The following NEFM variants were observed in gnomAD, a reference collection of about 807,000 sequenced individuals.
NEFM encodes neurofilament medium chain.
In NEFM, 16 loss-of-function variants were observed where a neutral mutation model predicts 48.1. That is an observed-to-expected ratio of 0.33 (90% confidence interval 0.23 to 0.51). The LOEUF is 0.51. NEFM is among the 20% of genes least tolerant of loss of function. NEFM has a pLI of 0.98. For missense variants in NEFM, 1,107 were observed against 1,136.0 expected, an observed-to-expected ratio of 0.97 and a Z score of 0.37; for synonymous variants, 465 against 456.9, an observed-to-expected ratio of 1.02 and a Z score of -0.23.
chr8:24,915,675 ACCAG>A lies in NEFM; in HGVS notation c.1152_1155del (p.Tyr384Ter). ...GAAATGGCTCGTCATTTGCGCGAAT[ACCAG>A]GACCTCCTCAACGTCAAGATGGCTC... On this transcript the variant is annotated frameshift_variant, in exon 2 of 3. Coordinates refer to ENST00000221166, the MANE Select transcript of NEFM (RefSeq NM_005382.2). LOFTEE classifies it high-confidence loss of function. 6.2e-7 allele frequency: 1 copy of A among 1,614,068 alleles called. No homozygotes were observed. Among genetic ancestry groups the A allele is most frequent in the African/African-American group, 1.3e-5 (1 of 75,016 alleles).
Position 24,914,048 on chromosome 8 carries a change from C to G in NEFM, c.255C>G (p.Asn85Lys), listed in dbSNP as rs767028040. 4 of 1,612,742 alleles carry G rather than the reference C, an allele frequency of 2.5e-6. No individual in the cohort carries two copies. The highest frequency in any genetic ancestry group is 1.3e-5 in the African/African-American group (1 of 75,076). Residue 85 changes from asparagine to lysine, a missense_variant, in exon 1 of 3, where the codon AAC becomes AAG. By Grantham distance (94) the Asn-to-Lys change is moderately conservative. Around this residue, in one of 3 missense-constraint regions of NEFM, gnomAD observed 186 missense variants for 200.6 expected, o/e 0.93. Coordinates refer to ENST00000221166, the MANE Select transcript of NEFM (RefSeq NM_005382.2). ...LDFSQSSSLL[N>K]GGSGPGGDYK... ...TCAGCCAGTCCTCGTCCCTGCTCAA[C>G]GGCGGCTCCGGACCCGGCGGCGACT...
intron 1 of NEFM, chr8:24,915,225 T>C (rs1486006002): frequency 7.8e-7 from 1 of 1,279,678 alleles, no homozygotes; most frequent in Non-Finnish European, 9.9e-7. Context: ...GTGTATTCTC[T>C]ACTTTTCCGG....
In NEFM at chr8:24,915,740, T is replaced by C; in HGVS notation, c.1205+11T>C. On this transcript the variant is annotated intron_variant, in intron 2 of 2. Coordinates refer to ENST00000221166, the MANE Select transcript of NEFM (RefSeq NM_005382.2). ...AATCGCTGCGTACAGGTACGATGCT[T>C]ACTACGTGCGTGGCCGGAACACTAA... 6.2e-7 allele frequency: 1 copy of C among 1,614,028 alleles called. No homozygotes were observed. Among genetic ancestry groups the C allele is most frequent in the Non-Finnish European group, 8.5e-7 (1 of 1,179,986 alleles).
intron 1 of NEFM, 170 bp downstream of exon 1, chr8:24,915,043 A>G: frequency 7.2e-6 from 10 of 1,380,846 alleles, no homozygotes; most frequent in Non-Finnish European, 7.4e-6. Context: ...CGCCCATCTC[A>G]TCCTCCACAC....
At position 24,917,148 on chromosome 8, in the gene NEFM, A is replaced by G; in HGVS notation, c.1293A>G (p.Thr431=). ...GPLYTHRPPI[T]ISSKIQKPKV... is the part of the protein sequence containing the mutation. ...TGTATACACACCGACCCCCAATCAC[A>G]ATATCCAGTAAGATTCAGAAACCCA... is the stretch of plus-strand genomic sequence containing the variant. Residue 431 remains threonine (T), a synonymous_variant, in exon 3 of 3, where the codon ACA becomes ACG. Coordinates refer to ENST00000221166, the MANE Select transcript of NEFM (RefSeq NM_005382.2). 1 of 1,614,156 alleles carries G rather than the reference A, an allele frequency of 6.2e-7. No individual in the cohort carries two copies.
chr8:24,914,355 C>G lies in NEFM; in HGVS notation c.562C>G (p.Arg188Gly), dbSNP rs749729390. The G allele has an allele frequency of 6.2e-7, 1 of 1,613,510 alleles. No individual in the cohort carries two copies. The highest frequency in any genetic ancestry group is 2.2e-5 in the East Asian group (1 of 44,870). Reference sequence around the variant, plus strand: ...GGAAGACATCCACCGGCTCAAGGAGCGCTTTGAGGAGGAGGCGCGGTTGCG... The same window carrying G: ...GGAAGACATCCACCGGCTCAAGGAGGGCTTTGAGGAGGAGGCGCGGTTGCG... ...LEEDIHRLKE[R>G]FEEEARLRDD... The change falls in exon 1 of 3, where the codon CGC becomes GGC. Residue 188 changes from arginine (R) to glycine (G), a missense_variant. By Grantham distance (125) the Arg-to-Gly change is moderately radical. Coordinates refer to ENST00000221166, the MANE Select transcript of NEFM (RefSeq NM_005382.2).
chr8:24,918,813 A>T lies in NEFM; in HGVS notation c.*207A>T, dbSNP rs1802623823. 1.7e-6 allele frequency: 1 copy of T among 578,828 alleles called. No individual in the cohort carries two copies. Among genetic ancestry groups the T allele is most frequent in the Non-Finnish European group, 3.1e-6 (1 of 325,880 alleles). The allele number at this position is 578,828 out of a possible 1,614,324, so 35.9% of individuals were successfully genotyped here. A position where few individuals can be genotyped will look rare whatever the true frequency, so the allele number is the denominator to read the frequency against. ...TGCATGATATTGTATGTACCTGGGAAATTTGCCGATTTCCTAAGCTGTTGG... is the reference window on the plus strand; with the variant it reads ...TGCATGATATTGTATGTACCTGGGATATTTGCCGATTTCCTAAGCTGTTGG... On this transcript the variant is annotated 3_prime_UTR_variant, in exon 3 of 3. Transcript: ENST00000221166.
Position 24,914,393 on chromosome 8 carries a change from G to A in NEFM, c.600G>A (p.Glu200=), listed in dbSNP as rs1802540271. The change falls in exon 1 of 3, where the codon GAG becomes GAA. Residue 200 remains glutamate (E), a synonymous_variant. Coordinates refer to ENST00000221166, the MANE Select transcript of NEFM (RefSeq NM_005382.2). ...AGGCGCGGTTGCGCGACGACACTGA[G>A]GCGGCCATCCGCGCGCTGCGCAAAG... The part of the protein sequence containing the change: ...EEEARLRDDT[E]AAIRALRKDI... 1.2e-6 allele frequency: 2 copies of A among 1,613,638 alleles called. No homozygotes were observed. The highest frequency in any genetic ancestry group is 4.5e-5 in the East Asian group (2 of 44,868).
chr8:24,916,986 A>G (rs983494248), intron 2 of NEFM, 75 bp from the exon 3 acceptor site: 31 of 1,184,580 alleles, frequency 2.6e-5, no homozygotes, highest in African/African-American at 4.5e-5. Context: ...CTACCACAAT[A>G]CCCAGAATGT....
Position 24,914,654 on chromosome 8 carries a change from G to C in NEFM, c.861G>C (p.Gln287His). 2.5e-6 allele frequency: 4 copies of C among 1,614,222 alleles called. No individual in the cohort carries two copies. In the East Asian group the frequency reaches 6.7e-5, roughly 27 times the overall value. ...LESHSDQNMH[Q>H]AEEWFKCRYA... is the part of the protein sequence containing the mutation. ...GCCACTCAGACCAGAATATGCACCA[G>C]GCCGAAGAGTGGTTCAAATGCCGCT... Residue 287 changes from glutamine to histidine, a missense_variant, in exon 1 of 3, where the codon CAG becomes CAC. By Grantham distance (24) the Gln-to-His change is conservative. Around this residue, in one of 3 missense-constraint regions of NEFM, gnomAD observed 917 missense variants for 916.4 expected, o/e 1.00. Coordinates refer to ENST00000221166, the MANE Select transcript of NEFM (RefSeq NM_005382.2).
chr8:24,918,254 T>C lies in NEFM; in HGVS notation c.2399T>C (p.Ile800Thr), dbSNP rs1253854964. 1 of 1,582,384 alleles carries C rather than the reference T, an allele frequency of 6.3e-7. No homozygotes were observed. Among genetic ancestry groups the C allele is most frequent in the Non-Finnish European group, 8.6e-7 (1 of 1,164,334 alleles). Reference sequence around the variant, plus strand: ...GCCAAGGGATCCAGGAAGGAAGACATAGCTGTCAATGGGGAGGTAGAAGGA... The same window carrying C: ...GCCAAGGGATCCAGGAAGGAAGACACAGCTGTCAATGGGGAGGTAGAAGGA... ...KGAKGSRKED[I>T]AVNGEVEGKE... Residue 800 changes from isoleucine (I) to threonine (T), a missense_variant, in exon 3 of 3, where the codon ATA (isoleucine) becomes ACA (threonine). Ile to Thr is a moderately conservative substitution (Grantham distance 89). Transcript: ENST00000221166.
At position 24,918,095 on chromosome 8, in the gene NEFM, T is replaced by A; in HGVS notation, c.2240T>A (p.Val747Asp). The A allele has an allele frequency of 1.7e-5, 26 of 1,551,642 alleles. No individual in the cohort carries two copies. The highest frequency in any genetic ancestry group is 2.2e-5 in the Non-Finnish European group (25 of 1,147,088). ...PVKEEAVAEV[V>D]TITKSVKVHL... ...AAGGAGGAAGCTGTGGCAGAGGTGGTCACCATCACCAAATCGGTAAAGGTG... is the reference window on the plus strand; with the variant it reads ...AAGGAGGAAGCTGTGGCAGAGGTGGACACCATCACCAAATCGGTAAAGGTG... The change falls in exon 3 of 3, where the codon GTC (valine) becomes GAC (aspartate). Residue 747 changes from valine to aspartate, a missense_variant. Physicochemically the swap from Val to Asp is radical, Grantham distance 152. This residue lies in a region of NEFM where 917 missense variants were observed against 916.4 expected (regional missense o/e 1.00). Transcript: ENST00000221166.
In NEFM at chr8:24,914,414, C is replaced by T. The variant is rs767793103; in HGVS notation, c.621C>T (p.Arg207=). Residue 207 remains arginine (R), a synonymous_variant, in exon 1 of 3, where the codon CGC becomes CGT. Coordinates refer to ENST00000221166, the MANE Select transcript of NEFM (RefSeq NM_005382.2). ...CTGAGGCGGCCATCCGCGCGCTGCG[C>T]AAAGACATCGAGGAGGCGTCGCTGG... ...DDTEAAIRAL[R]KDIEEASLVK... 6.2e-7 allele frequency: 1 copy of T among 1,613,452 alleles called. No individual in the cohort carries two copies. The highest frequency in any genetic ancestry group is 1.3e-5 in the African/African-American group (1 of 74,922).
In NEFM at chr8:24,917,561, G is replaced by A. The variant is rs377235569; in HGVS notation, c.1706G>A (p.Gly569Glu). The change falls in exon 3 of 3, where the codon GGA (glycine) becomes GAA (glutamate). Residue 569 changes from glycine to glutamate, a missense_variant. Gly to Glu is a moderately conservative substitution (Grantham distance 98). Around this residue, in one of 3 missense-constraint regions of NEFM, gnomAD observed 917 missense variants for 916.4 expected, o/e 1.00. Coordinates refer to ENST00000221166, the MANE Select transcript of NEFM (RefSeq NM_005382.2). ...SEKEEGEQEE[G>E]ETEAEAEGEE... ...AAAGAGGAAGGTGAGCAGGAAGAAGGAGAAACAGAAGCTGAAGCTGAAGGA... is the reference window on the plus strand; with the variant it reads ...AAAGAGGAAGGTGAGCAGGAAGAAGAAGAAACAGAAGCTGAAGCTGAAGGA... The A allele has an allele frequency of 2.5e-5, 39 of 1,575,770 alleles. No homozygotes were observed. In the South Asian group the frequency reaches 2.5e-4, roughly 10 times the overall value.
Position 24,917,228 on chromosome 8 carries a change from A to C in NEFM, c.1373A>C (p.Glu458Ala), listed in dbSNP as rs755039901. 2.3e-5 allele frequency: 37 copies of C among 1,614,056 alleles called. 1 individual carries two copies. The South Asian group carries it at 4.1e-4, about 18-fold the overall frequency. ...CACAAATTTGTCGAGGAGATCATAG[A>C]GGAAACCAAAGTGGAGGATGAGAAG... ...VQHKFVEEII[E>A]ETKVEDEKSE... is the part of the protein sequence containing the mutation. Residue 458 changes from glutamate to alanine, a missense_variant, in exon 3 of 3, where the codon GAG (glutamate) becomes GCG (alanine). Around this residue, in one of 3 missense-constraint regions of NEFM, gnomAD observed 917 missense variants for 916.4 expected, o/e 1.00. Coordinates refer to ENST00000221166, the MANE Select transcript of NEFM (RefSeq NM_005382.2).
At chr8:24,915,762 C>G in intron 2 of NEFM, 33 bp downstream of exon 2, 2 of 1,613,866 alleles carry the variant, frequency 1.2e-6, no homozygotes, top group Non-Finnish European at 1.7e-6. Context: ...GGCCGGAACA[C>G]TAACCGCAGT....
chr8:24,914,798 C>T lies in NEFM; in HGVS notation c.1005C>T (p.Arg335=), dbSNP rs1484676962. 9 of 1,606,138 alleles carry T rather than the reference C, an allele frequency of 5.6e-6. No homozygotes were observed. The highest frequency in any genetic ancestry group is 2.2e-5 in the East Asian group (1 of 44,618). Residue 335 remains arginine (R), a synonymous_variant, in exon 1 of 3, where the codon CGC becomes CGT. Transcript: ENST00000221166. ...QSKSIELESV[R]GTKESLERQL... ...AGAGCATCGAGCTAGAGTCGGTGCG[C>T]GGCACCAAGGAGTCCCTGGAGCGGC...
At position 24,918,440 on chromosome 8, in the gene NEFM, C is replaced by T; in HGVS notation, c.2585C>T (p.Thr862Ile). 1 of 1,614,078 alleles carries T rather than the reference C, an allele frequency of 6.2e-7. No individual in the cohort carries two copies. Among genetic ancestry groups the T allele is most frequent in the Admixed American group, 1.7e-5 (1 of 60,026 alleles). The change falls in exon 3 of 3, where the codon ACC (threonine) becomes ATC (isoleucine). Residue 862 changes from threonine to isoleucine, a missense_variant. Around this residue, in one of 3 missense-constraint regions of NEFM, gnomAD observed 917 missense variants for 916.4 expected, o/e 1.00. Coordinates refer to ENST00000221166, the MANE Select transcript of NEFM (RefSeq NM_005382.2). Reference protein sequence around the residue: ...VVVTKTVEKITSEGGDGATKY... With the variant: ...VVVTKTVEKIISEGGDGATKY... ...GTGACCAAAACGGTAGAAAAAATCA[C>T]CAGTGAGGGGGGAGATGGTGCTACC...
chr8:24,914,404 G>A lies in NEFM; in HGVS notation c.611G>A (p.Arg204His), dbSNP rs1263864447. The A allele has an allele frequency of 6.2e-7, 1 of 1,613,584 alleles. No homozygotes were observed. Among genetic ancestry groups the A allele is most frequent in the Admixed American group, 1.7e-5 (1 of 60,016 alleles). Residue 204 changes from arginine to histidine, a missense_variant, in exon 1 of 3, where the codon CGC (arginine) becomes CAC (histidine). By Grantham distance (29) the Arg-to-His change is conservative. Coordinates refer to ENST00000221166, the MANE Select transcript of NEFM (RefSeq NM_005382.2). ...RLRDDTEAAIRALRKDIEEAS... is the reference protein window; with the variant it reads ...RLRDDTEAAIHALRKDIEEAS... ...CGCGACGACACTGAGGCGGCCATCCGCGCGCTGCGCAAAGACATCGAGGAG... is the reference window on the plus strand; with the variant it reads ...CGCGACGACACTGAGGCGGCCATCCACGCGCTGCGCAAAGACATCGAGGAG...
Sources: gnomAD v4.1 joint callset for allele counts on GRCh38, gnomAD v4.1.1 for gene constraint, gnomAD v4.1.1 regional missense constraint, MANE v1.5 for transcripts, NCBI Gene and HGNC (gene_info 2026-07-23, HGNC 2026-07-21) for gene names.